Variants in SLC45A4 observed in about 807,000 individuals in gnomAD.
The protein encoded by SLC45A4 is solute carrier family 45 member 4.
A neutral mutation model predicts 63.7 loss-of-function variants in SLC45A4; 32 were observed. That is an observed-to-expected ratio of 0.50 (90% confidence interval 0.38 to 0.67). The LOEUF is 0.67. Ranked by LOEUF, SLC45A4 falls within the 30% of genes least tolerant of loss-of-function variation. SLC45A4 has a pLI of 0.00. For missense variants in SLC45A4, 1,027 were observed against 1,157.7 expected (o/e 0.89, Z 1.64); for synonymous variants, 535 against 510.0 (o/e 1.05, Z -0.66).
Position 141,229,254 on chromosome 8 carries a change from A to T in SLC45A4, c.242-7489T>A, listed in dbSNP as rs1274075855. ...CCTGCAGTCAGAGTGACCACCTAAA[A>T]CCCACTGCTTGCACCTGCCGTGGCG... On this transcript the variant is annotated intron_variant, in intron 2 of 8. Transcript: ENST00000517878. The surrounding 1 kb of genome is among the most constrained non-coding windows in gnomAD (Gnocchi z 5.0). 2.0e-5 allele frequency among the ~76,000 whole-genome samples: 3 copies of T among 151,118 alleles called. No individual in the cohort carries two copies. Among genetic ancestry groups the T allele is most frequent in the Non-Finnish European group, 4.4e-5 (3 of 67,796 alleles).
At chr8:141,277,365 T>C (rs751854281) in intron 1 of SLC45A4, among the ~76,000 whole-genome samples, 2 of 152,222 alleles carry the variant, frequency 1.3e-5, no homozygotes, top group African/African-American at 2.4e-5. Context: ...TGCTAAGTGA[T>C]GGACAAAGGT....
chr8:141,220,050 G>A (rs1826505357), intron 3 of SLC45A4, among the ~76,000 whole-genome samples: 1 of 152,242 alleles, frequency 6.6e-6, no homozygotes, highest in Non-Finnish European at 1.5e-5. Flanking sequence ...CTCCCCGTTC[G>A]GTTAGCTGTT....
chr8:141,221,634 C>T lies in SLC45A4; in HGVS notation c.373G>A (p.Ala125Thr), dbSNP rs751492588. Reference protein sequence around the residue: ...SWGRRRPFILALCVGVLFGVA... With the variant: ...SWGRRRPFILTLCVGVLFGVA... ...CCAAAGAGGACGCCAACGCAGAGGGCGAGGATGAAGGGCCGCCGGCGGCCC... is the reference window on the plus strand; with the variant it reads ...CCAAAGAGGACGCCAACGCAGAGGGTGAGGATGAAGGGCCGCCGGCGGCCC... Residue 125 changes from alanine to threonine, a missense_variant, in exon 3 of 9, where the codon GCC (alanine) becomes ACC (threonine). Transcript: ENST00000517878. The T allele has an allele frequency of 1.2e-5, 19 of 1,614,040 alleles. No homozygotes were observed. The highest frequency in any genetic ancestry group is 1.7e-4 in the Middle Eastern group (1 of 5,988).
intron 7 of SLC45A4, 31 bp from the exon 8 acceptor site, chr8:141,212,587 G>A (rs748389233): frequency 9.0e-6 from 14 of 1,562,688 alleles, no homozygotes; most frequent in Middle Eastern, 1.7e-4. Context: ...GGCGGTGAGC[G>A]GCTGGAGAAG....
intron 7 of SLC45A4, among the ~76,000 whole-genome samples, chr8:141,214,017 G>A (rs1423634035): frequency 6.6e-6 from 1 of 152,070 alleles, no homozygotes; most frequent in African/African-American, 2.4e-5. Context: ...GACCAGCCTG[G>A]CCAACATGGT....
intron 1 of SLC45A4, among the ~76,000 whole-genome samples, chr8:141,270,935 G>A (rs1829498644): frequency 6.6e-6 from 1 of 152,146 alleles, no homozygotes; most frequent in Admixed American, 6.5e-5. Flanking sequence ...CCAGGGGCAG[G>A]CAGAGGGCAT....
intron 2 of SLC45A4, among the ~76,000 whole-genome samples, chr8:141,238,784 G>T (rs1485433856): frequency 6.6e-6 from 1 of 152,192 alleles, no homozygotes; most frequent in Non-Finnish European, 1.5e-5. Flanking sequence ...TGCTAGACGT[G>T]GGGTGCCTGC....
chr8:141,260,912 G>A (rs1829016808), intron 1 of SLC45A4, among the ~76,000 whole-genome samples: 1 of 152,162 alleles, frequency 6.6e-6, no homozygotes, highest in African/African-American at 2.4e-5. Context: ...GCCTGGCAGA[G>A]ACAGAACCAA....
At chr8:141,257,067 T>C (rs1279578212) in intron 1 of SLC45A4, among the ~76,000 whole-genome samples, 1 of 152,192 alleles carries the variant, frequency 6.6e-6, no homozygotes. Flanking sequence ...TTGGCCAGGA[T>C]GGTCTTGATC....
chr8:141,290,533 T>A (rs928867794), intron 1 of SLC45A4, among the ~76,000 whole-genome samples: 1 of 152,270 alleles, frequency 6.6e-6, no homozygotes. Context: ...GCCACCACCA[T>A]GGCAGCGTTC....
intron 1 of SLC45A4, among the ~76,000 whole-genome samples, chr8:141,259,775 A>G (rs11167042): frequency 0.57 from 86,591 of 152,080 alleles, 25,521 homozygotes; most frequent in East Asian, 0.87. Context: ...TCGGTCCACA[A>G]TGGGCAACGT....
At chr8:141,286,513 G>A (rs118112195) in intron 1 of SLC45A4, among the ~76,000 whole-genome samples, 2,422 of 152,318 alleles carry the variant, frequency 0.016, 37 homozygotes, top group Non-Finnish European at 0.027. Context: ...GAGGGCAGGT[G>A]CAAATCGAGG....
chr8:141,250,290 TTTTCAC>T (rs563387036), intron 2 of SLC45A4, among the ~76,000 whole-genome samples: 655 of 152,298 alleles, frequency 4.3e-3, no homozygotes, highest in Non-Finnish European at 7.3e-3. Flanking sequence ...TACACACTGG[TTTTCAC>T]TTTGAGTACA....
chr8:141,225,344 T>C (rs907288428), intron 2 of SLC45A4: 2 of 152,344 alleles, frequency 1.3e-5, no homozygotes, highest in Admixed American at 1.3e-4. Context: ...ACTCTGCCTG[T>C]GGGTTCTTCA....
intron 2 of SLC45A4, among the ~76,000 whole-genome samples, chr8:141,251,603 C>T (rs565675832): frequency 2.5e-4 from 38 of 152,138 alleles, no homozygotes; most frequent in Middle Eastern, 3.4e-3. Context: ...CGGTCTCCTA[C>T]GTCCGAGCCC....
chr8:141,270,929 G>C (rs1244202452), intron 1 of SLC45A4, among the ~76,000 whole-genome samples: 1 of 152,110 alleles, frequency 6.6e-6, no homozygotes, highest in Non-Finnish European at 1.5e-5. Context: ...CTGACCCCAG[G>C]GGCAGGCAGA....
intron 6 of SLC45A4, among the ~76,000 whole-genome samples, chr8:141,216,837 G>A (rs977519406): frequency 6.6e-6 from 1 of 152,218 alleles, no homozygotes; most frequent in Non-Finnish European, 1.5e-5. Context: ...TCATGGGACC[G>A]CACAGGCAGG....
At chr8:141,288,495 T>G (rs543821187) in intron 1 of SLC45A4, among the ~76,000 whole-genome samples, 1 of 152,246 alleles carries the variant, frequency 6.6e-6, no homozygotes, top group Non-Finnish European at 1.5e-5. Flanking sequence ...CACGCCTGGT[T>G]GGACCGCTCA....
intron 1 of SLC45A4, among the ~76,000 whole-genome samples, chr8:141,255,046 G>A (rs993655408): frequency 6.6e-6 from 1 of 152,174 alleles, no homozygotes; most frequent in African/African-American, 2.4e-5. Context: ...GAAGGGAAAA[G>A]TGGGGGAGGT....
Sources: gnomAD v4.1 joint callset for allele counts (sites outside exome capture counted in the v4.1 genomes callset) on GRCh38, gnomAD v4.1.1 for gene constraint, Gnocchi (gnomAD v3.1) non-coding constraint, MANE v1.5 for transcripts, NCBI Gene and HGNC (gene_info 2026-07-23, HGNC 2026-07-21) for gene names.